Variants in ELAVL4 observed in about 807,000 individuals in gnomAD.
The protein encoded by ELAVL4 is ELAV like RNA binding protein 4.
In ELAVL4, 1 loss-of-function variant was observed where a neutral mutation model predicts 35.6. The ratio of observed to expected loss-of-function variants is 0.03; its 90% CI spans 0.01 to 0.13. ELAVL4 has a LOEUF of 0.13. Ranked by LOEUF, ELAVL4 falls within the 10% of genes least tolerant of loss-of-function variation. ELAVL4 has a pLI of 1.00. For missense variants in ELAVL4, 267 were observed against 464.9 expected, an observed-to-expected ratio of 0.57 and a Z score of 3.91; for synonymous variants, 156 against 171.0, an observed-to-expected ratio of 0.91 and a Z score of 0.69.
chr1:50,119,036 A>AAAAGGAAG (rs1553170300), intron 1 of ELAVL4, among the ~76,000 whole-genome samples: 30 of 127,256 alleles, frequency 2.4e-4, no homozygotes, highest in African/African-American at 9.2e-4. Flanking sequence ...GAAAGAAAGA[A>AAAAGGAAG]AAAGAAAGAA....
At chr1:50,104,014 C>T (rs569029209), upstream of ELAVL4, 29 of 1,613,770 alleles carry the variant, frequency 1.8e-5, no homozygotes, top group East Asian at 1.1e-4. Context: ...TGTTTAGCCA[C>T]ATCACTGGAT....
chr1:50,095,339 C>T (rs1572166441), intron 1 of ELAVL4, among the ~76,000 whole-genome samples: 1 of 151,946 alleles, frequency 6.6e-6, no homozygotes, highest in South Asian at 2.1e-4. Flanking sequence ...CACCCTTCCC[C>T]CAACTAGGAG....
At chr1:50,110,018 TG>T (rs1439922937) in intron 1 of ELAVL4, 1 of 1,605,274 alleles carries the variant, frequency 6.2e-7, no homozygotes, top group African/African-American at 1.3e-5. Flanking sequence ...TGTGTGTGTG[TG>T]TGTGTGTGCT....
intron 2 of ELAVL4, among the ~76,000 whole-genome samples, chr1:50,148,187 G>A (rs951987930): frequency 6.6e-6 from 1 of 152,200 alleles, no homozygotes. Context: ...AGGCAGCATA[G>A]TTATTAGCAG....
At chr1:50,183,867 A>T (rs1681427378) in intron 3 of ELAVL4, among the ~76,000 whole-genome samples, 1 of 152,180 alleles carries the variant, frequency 6.6e-6, no homozygotes, top group East Asian at 1.9e-4. Flanking sequence ...ATCACCCCAC[A>T]CAGAAATGAT....
intron 2 of ELAVL4, among the ~76,000 whole-genome samples, chr1:50,174,080 TA>T (rs1679536883): frequency 6.6e-6 from 1 of 152,200 alleles, no homozygotes; most frequent in Non-Finnish European, 1.5e-5. Context: ...AATTAAAACA[TA>T]AAATTTTTCC....
At chr1:50,132,180 G>T (rs190757819) in intron 1 of ELAVL4, among the ~76,000 whole-genome samples, 195 of 152,218 alleles carry the variant, frequency 1.3e-3, no homozygotes, top group Non-Finnish European at 1.9e-3. Context: ...TCAAATGCAA[G>T]AAAGAGAGAG....
chr1:50,066,383 T>C (rs1664267614), intron 1 of ELAVL4, among the ~76,000 whole-genome samples: 2 of 152,210 alleles, frequency 1.3e-5, no homozygotes, highest in South Asian at 4.1e-4. Context: ...GTTTTCCTAC[T>C]AATCCTACTG....
chr1:50,118,224 C>G (rs1272722822), intron 1 of ELAVL4, among the ~76,000 whole-genome samples: 1 of 152,014 alleles, frequency 6.6e-6, no homozygotes, highest in Non-Finnish European at 1.5e-5. Flanking sequence ...TTCCTTTTCA[C>G]TGTATCAGCT....
chr1:50,079,330 G>C (rs1333738892), intron 1 of ELAVL4, among the ~76,000 whole-genome samples: 1 of 152,170 alleles, frequency 6.6e-6, no homozygotes, highest in Non-Finnish European at 1.5e-5. Flanking sequence ...GAGCGTTCTT[G>C]GGATCATCAC....
At chr1:50,191,829 T>G (rs574184731) in intron 3 of ELAVL4, among the ~76,000 whole-genome samples, 1 of 152,362 alleles carries the variant, frequency 6.6e-6, no homozygotes, top group East Asian at 1.9e-4. Context: ...TGGTAGGTTG[T>G]GTTTTGAGGG....
At chr1:50,092,262 G>C (rs1382088997) in intron 1 of ELAVL4, among the ~76,000 whole-genome samples, 1 of 152,172 alleles carries the variant, frequency 6.6e-6, no homozygotes, top group African/African-American at 2.4e-5. Context: ...AGAAGGTCAG[G>C]GATGATGTCA....
intron 1 of ELAVL4, among the ~76,000 whole-genome samples, chr1:50,096,516 C>A (rs1206116945): frequency 1.3e-5 from 2 of 150,948 alleles, no homozygotes; most frequent in Non-Finnish European, 2.9e-5. Context: ...TAAATAAAGA[C>A]AAAATTTTAA....
At chr1:50,185,634 C>T (rs1681700861) in intron 3 of ELAVL4, among the ~76,000 whole-genome samples, 1 of 152,098 alleles carries the variant, frequency 6.6e-6, no homozygotes, top group South Asian at 2.1e-4. Flanking sequence ...TGTAGGGAAT[C>T]GTAGCTTACA....
intron 1 of ELAVL4, among the ~76,000 whole-genome samples, chr1:50,120,918 T>A (rs1392208341): frequency 6.6e-6 from 1 of 152,028 alleles, no homozygotes; most frequent in East Asian, 1.9e-4. Flanking sequence ...TATGCTTATT[T>A]TCTCCAGTAT....
At chr1:50,069,253 C>T (rs140325104) in intron 1 of ELAVL4, among the ~76,000 whole-genome samples, 3 of 152,280 alleles carry the variant, frequency 2.0e-5, no homozygotes, top group East Asian at 1.9e-4. Context: ...TCTGTGAGGT[C>T]TTCTGCTTAA....
intron 2 of ELAVL4, among the ~76,000 whole-genome samples, chr1:50,173,698 T>C (rs1679451045): frequency 6.6e-6 from 1 of 152,242 alleles, no homozygotes; most frequent in Non-Finnish European, 1.5e-5. Flanking sequence ...TTTTATTTGT[T>C]CAACTTCCCA....
chr1:50,195,475 C>A, intron 4 of ELAVL4, 86 bp from the exon 5 acceptor site: 2 of 1,474,248 alleles, frequency 1.4e-6, no homozygotes, highest in East Asian at 2.3e-5. Context: ...ACTCCTCACA[C>A]AATATCCACA....
intron 1 of ELAVL4, among the ~76,000 whole-genome samples, chr1:50,127,143 T>C (rs1251913980): frequency 6.6e-6 from 1 of 152,076 alleles, no homozygotes; most frequent in Non-Finnish European, 1.5e-5. Context: ...TAAGGATGTC[T>C]CCTCCTATGT....
Sources: gnomAD v4.1 joint callset for allele counts (sites outside exome capture counted in the v4.1 genomes callset) on GRCh38, gnomAD v4.1.1 for gene constraint, MANE v1.5 for transcripts, NCBI Gene and HGNC (gene_info 2026-07-23, HGNC 2026-07-21) for gene names.